The following ZNF652 variants were observed in gnomAD, a reference collection of about 807,000 sequenced individuals.
ZNF652 encodes zinc finger protein 652.
In ZNF652, 16 loss-of-function variants were observed where a neutral mutation model predicts 45.2. The observed-to-expected ratio is 0.35, with a 90% CI of 0.24 to 0.54. ZNF652 has a LOEUF of 0.54. ZNF652 is among the 20% of genes least tolerant of loss of function. The pLI is 0.91. For missense variants in ZNF652, 614 were observed against 765.6 expected (o/e 0.80, Z 2.34); for synonymous variants, 250 against 260.6 (o/e 0.96, Z 0.39).
At chr17:49,359,984 C>T (rs1426285858) in intron 1 of ZNF652, among the ~76,000 whole-genome samples, 1 of 152,162 alleles carries the variant, frequency 6.6e-6, no homozygotes, top group Non-Finnish European at 1.5e-5. Context: ...ATAAAACAGA[C>T]CTTGGACTTT....
At chr17:49,289,087 A>T (rs537520942), downstream of ZNF652, 23 of 152,330 alleles carry the variant, frequency 1.5e-4, no homozygotes, top group African/African-American at 5.5e-4. Context: ...AACAAATAAC[A>T]GCAGAAGAGG....
intron 1 of ZNF652, among the ~76,000 whole-genome samples, chr17:49,343,364 T>C (rs761227488): frequency 1.2e-4 from 18 of 152,174 alleles, no homozygotes; most frequent in Non-Finnish European, 2.1e-4. Flanking sequence ...ATAAATCCAT[T>C]AGTAACCTTA....
chr17:49,315,729 C>CG (rs1350257346), intron 2 of ZNF652, among the ~76,000 whole-genome samples: 8 of 152,166 alleles, frequency 5.3e-5, no homozygotes, highest in Non-Finnish European at 1.2e-4. Flanking sequence ...TGGCAGTTAC[C>CG]GGAGGATATG....
intron 1 of ZNF652, among the ~76,000 whole-genome samples, chr17:49,345,453 C>G (rs1442212793): frequency 6.6e-6 from 1 of 151,206 alleles, no homozygotes; most frequent in East Asian, 1.9e-4. Flanking sequence ...ATGCCCACCT[C>G]GGCCTCCCAA....
intron 1 of ZNF652, among the ~76,000 whole-genome samples, chr17:49,338,106 T>C (rs1011427266): frequency 1.2e-4 from 18 of 151,282 alleles, no homozygotes; most frequent in African/African-American, 4.1e-4. Context: ...TCCCACCTCA[T>C]CTTCCTGAGT....
intron 1 of ZNF652, among the ~76,000 whole-genome samples, chr17:49,357,899 A>G (rs891640294): frequency 2.6e-5 from 4 of 152,246 alleles, no homozygotes; most frequent in Non-Finnish European, 5.9e-5. Context: ...TGCAAGACTT[A>G]GGTATGCTCC....
chr17:49,328,463 A>C (rs2069990053), intron 1 of ZNF652, among the ~76,000 whole-genome samples: 1 of 152,020 alleles, frequency 6.6e-6, no homozygotes, highest in Non-Finnish European at 1.5e-5. Flanking sequence ...TGTAATCCTC[A>C]ATGTTGGAGG....
At chr17:49,327,658 C>T (rs1397609100) in intron 1 of ZNF652, among the ~76,000 whole-genome samples, 1 of 145,970 alleles carries the variant, frequency 6.9e-6, no homozygotes, top group Non-Finnish European at 1.5e-5. Flanking sequence ...GCAGGAGGAT[C>T]GCTTGAAGCA....
At chr17:49,303,258 T>TTTTTTTTTTTTTTTTTA (rs1598283526) in intron 5 of ZNF652, among the ~76,000 whole-genome samples, 1 of 149,740 alleles carries the variant, frequency 6.7e-6, no homozygotes. Flanking sequence ...TTTTTTTTTT[T>TTTTTTTTTTTTTTTTTA]GAGACAGGGT....
intron 5 of ZNF652, among the ~76,000 whole-genome samples, chr17:49,309,434 G>A (rs978375935): frequency 1.3e-5 from 2 of 150,384 alleles, no homozygotes; most frequent in African/African-American, 2.4e-5. Flanking sequence ...CTTGAACCCC[G>A]GGAGGTGGAG....
intron 3 of ZNF652, 91 bp from the exon 4 acceptor site, chr17:49,312,133 C>T: frequency 1.7e-6 from 1 of 587,736 alleles, no homozygotes; most frequent in Non-Finnish European, 2.9e-6. Flanking sequence ...TTAGGCCATC[C>T]TAATTTTCTA....
intron 1 of ZNF652, among the ~76,000 whole-genome samples, chr17:49,320,022 T>C (rs2069868854): frequency 1.3e-5 from 2 of 152,196 alleles, no homozygotes; most frequent in South Asian, 4.1e-4. Flanking sequence ...TATTTCTACA[T>C]AATTTGATTA....
intron 2 of ZNF652, among the ~76,000 whole-genome samples, chr17:49,315,906 GAA>G (rs1303314622): frequency 6.6e-6 from 1 of 152,116 alleles, no homozygotes; most frequent in East Asian, 1.9e-4. Context: ...GAAGAAAAGT[GAA>G]ACTTAAAAAG....
intron 5 of ZNF652, among the ~76,000 whole-genome samples, chr17:49,303,138 C>A (rs1261064424): frequency 6.6e-6 from 1 of 151,090 alleles, no homozygotes; most frequent in African/African-American, 2.4e-5. Flanking sequence ...CCAGCCTGGC[C>A]AACATAGTGA....
intron 1 of ZNF652, among the ~76,000 whole-genome samples, chr17:49,321,680 CA>C (rs773483364): frequency 1.2e-4 from 19 of 152,018 alleles, no homozygotes; most frequent in Non-Finnish European, 2.2e-4. Context: ...GCTGCCTTAC[CA>C]AAAAGCCTAA....
rs532970573 is a variant in ZNF652, at chr17:49,317,918, G to A, written c.-193C>T. 1.0e-5 allele frequency: 6 copies of A among 575,582 alleles called. No homozygotes were observed. In the African/African-American group the frequency reaches 1.1e-4, roughly 11 times the overall value. The allele number at this position is 575,582 out of a possible 1,614,324, so 35.7% of individuals were successfully genotyped here. On this transcript the variant is annotated 5_prime_UTR_variant, in exon 2 of 6. Transcript: ENST00000430262. The stretch of plus-strand genomic sequence containing the variant: ...ATGAGTCAAAAAGGTTTGGTATTAT[G>A]GCAAGAGCAGAGCACTAGTGATTTT...
chr17:49,298,625 T>C lies in ZNF652; in HGVS notation c.1609A>G (p.Thr537Ala). Residue 537 changes from threonine to alanine, a missense_variant, in exon 6 of 6, where the codon ACT becomes GCT. Coordinates refer to ENST00000430262, the MANE Select transcript of ZNF652 (RefSeq NM_001145365.3). The stretch of plus-strand genomic sequence containing the variant: ...TGGGGGATGGGCCGAGGGGGAAGAG[T>C]GCTTACAGGATTCATATTGATTGGA... Reference protein sequence around the residue: ...TPPINMNPVSTLPPRPIPHPF... With the variant: ...TPPINMNPVSALPPRPIPHPF... The C allele has an allele frequency of 6.2e-7, 1 of 1,609,972 alleles. No individual in the cohort carries two copies. Among genetic ancestry groups the C allele is most frequent in the Non-Finnish European group, 8.5e-7 (1 of 1,178,972 alleles).
chr17:49,360,844 C>T (rs2070384831), intron 1 of ZNF652, among the ~76,000 whole-genome samples: 1 of 152,172 alleles, frequency 6.6e-6, no homozygotes, highest in African/African-American at 2.4e-5. Flanking sequence ...ATAGGAGAAA[C>T]TTGCACACAC....
At chr17:49,351,014 T>TACACACACACACACAC (rs370792940) in intron 1 of ZNF652, among the ~76,000 whole-genome samples, 1 of 29,732 alleles carries the variant, frequency 3.4e-5, no homozygotes, top group Non-Finnish European at 7.5e-5. Context: ...TATATATATA[T>TACACACACACACACAC]ACACACACAC....
Sources: gnomAD v4.1 joint callset for allele counts (sites outside exome capture counted in the v4.1 genomes callset) on GRCh38, gnomAD v4.1.1 for gene constraint, MANE v1.5 for transcripts, NCBI Gene and HGNC (gene_info 2026-07-23, HGNC 2026-07-21) for gene names.